The following GKAP1 variants were observed in gnomAD, a reference collection of about 807,000 sequenced individuals.
GKAP1 encodes G kinase anchoring protein 1.
Under a neutral mutation model 56.7 loss-of-function variants are expected in GKAP1, and 31 were observed. The ratio of observed to expected loss-of-function variants is 0.55; its 90% confidence interval spans 0.41 to 0.74. GKAP1 has a LOEUF of 0.74. Ranked by LOEUF, GKAP1 falls within the 30% of genes least tolerant of loss-of-function variation. The pLI is 0.00. For synonymous variants in GKAP1, 151 were observed against 138.6 expected, an observed-to-expected ratio of 1.09 and a Z score of -0.63; for missense variants, 364 against 402.3, an observed-to-expected ratio of 0.90 and a Z score of 0.82.
chr9:83,796,560 T>G (rs966141418), intron 4 of GKAP1, among the ~76,000 whole-genome samples: 2 of 152,210 alleles, frequency 1.3e-5, no homozygotes, highest in African/African-American at 4.8e-5. Flanking sequence ...CTCTGCCTCC[T>G]GGGCTCAAGA....
At chr9:83,779,524 C>G (rs1299165298) in intron 7 of GKAP1, among the ~76,000 whole-genome samples, 1 of 120,314 alleles carries the variant, frequency 8.3e-6, no homozygotes, top group Non-Finnish European at 1.7e-5. Flanking sequence ...TATATATACA[C>G]GTGTATATGT....
intron 11 of GKAP1, 60 bp downstream of exon 11, chr9:83,742,470 A>G (rs1363826439): frequency 9.2e-7 from 1 of 1,083,442 alleles, no homozygotes; most frequent in Non-Finnish European, 1.4e-6. Flanking sequence ...GTTAAGTTTA[A>G]TAATTCAAGA....
chr9:83,746,023 T>C (rs1943287538), intron 10 of GKAP1, among the ~76,000 whole-genome samples: 1 of 152,122 alleles, frequency 6.6e-6, no homozygotes, highest in Non-Finnish European at 1.5e-5. Context: ...ACTCCTAACC[T>C]CAAGTGATCC....
At chr9:83,802,828 CT>C (rs2131316537) in intron 3 of GKAP1, among the ~76,000 whole-genome samples, 1 of 150,234 alleles carries the variant, frequency 6.7e-6, no homozygotes, top group Non-Finnish European at 1.5e-5. Context: ...TCTGTCTTCT[CT>C]TTAAAAAAAA....
intron 8 of GKAP1, among the ~76,000 whole-genome samples, chr9:83,766,969 G>T (rs544093511): frequency 6.6e-6 from 1 of 152,296 alleles, no homozygotes; most frequent in African/African-American, 2.4e-5. Context: ...GTGTTCATGG[G>T]GACATTAGTG....
chr9:83,759,137 T>C (rs1409854968), intron 8 of GKAP1, among the ~76,000 whole-genome samples: 1 of 152,192 alleles, frequency 6.6e-6, no homozygotes, highest in East Asian at 1.9e-4. Flanking sequence ...TCCCCAATCA[T>C]ACCCCTTTTC....
Position 83,805,642 on chromosome 9 carries a change from G to A in GKAP1, c.216+660C>T, listed in dbSNP as rs184929864. 3.3e-5 allele frequency among the ~76,000 whole-genome samples: 5 copies of A among 151,730 alleles called. No homozygotes were observed. The East Asian group carries it at 7.7e-4, about 23-fold the overall frequency. ...CCCATTTTCATTTAAGTATTAGAAG[G>A]ATATATACATACATGTATATATTCA... On this transcript the variant is annotated intron_variant, in intron 3 of 12. Coordinates refer to ENST00000376371, the MANE Select transcript of GKAP1 (RefSeq NM_025211.4).
chr9:83,743,768 C>T (rs771290338), intron 10 of GKAP1, among the ~76,000 whole-genome samples: 40 of 152,048 alleles, frequency 2.6e-4, no homozygotes, highest in Non-Finnish European at 3.4e-4. Flanking sequence ...CATGTGTGGT[C>T]TCTTAGAACT....
At chr9:83,795,208 A>C (rs1187082323) in intron 4 of GKAP1, among the ~76,000 whole-genome samples, 1 of 152,002 alleles carries the variant, frequency 6.6e-6, no homozygotes, top group Non-Finnish European at 1.5e-5. Flanking sequence ...ACCAAGTCAA[A>C]GCCATGCCCT....
chr9:83,814,167 T>A (rs759998771), intron 2 of GKAP1, among the ~76,000 whole-genome samples: 1 of 152,220 alleles, frequency 6.6e-6, no homozygotes, highest in Non-Finnish European at 1.5e-5. Context: ...ATTTTACATA[T>A]ACTTCATACC....
chr9:83,769,928 G>A (rs1033337513), intron 7 of GKAP1, among the ~76,000 whole-genome samples: 3 of 152,092 alleles, frequency 2.0e-5, no homozygotes, highest in South Asian at 2.1e-4. Context: ...ATCTCATTGC[G>A]GTTTTCAGTC....
chr9:83,780,536 G>C (rs565198228), intron 6 of GKAP1, 132 bp from the exon 7 acceptor site: 1 of 499,690 alleles, frequency 2.0e-6, no homozygotes, highest in Non-Finnish European at 3.5e-6. Context: ...AGTCATTTAA[G>C]AGTTTTCTAG....
rs111574606 is a variant in GKAP1, at chr9:83,755,595, T to C, written c.739-2236A>G. ...CTTTGAATAAGAAGCCCTTCTGAAA[T>C]TGACATCAAAAAAAAGAGGAAAAAT... On this transcript the variant is annotated intron_variant, in intron 8 of 12. Coordinates refer to ENST00000376371, the MANE Select transcript of GKAP1 (RefSeq NM_025211.4). 6.6e-5 allele frequency among the ~76,000 whole-genome samples: 10 copies of C among 151,834 alleles called. 1 individual carries two copies. The highest frequency in any genetic ancestry group is 2.4e-4 in the African/African-American group (10 of 41,422).
At chr9:83,755,238 A>C (rs905873864) in intron 8 of GKAP1, among the ~76,000 whole-genome samples, 1 of 152,210 alleles carries the variant, frequency 6.6e-6, no homozygotes, top group African/African-American at 2.4e-5. Context: ...CATCAGTTTA[A>C]ATGCCAAACA....
chr9:83,765,050 T>A (rs1194662196), intron 8 of GKAP1, among the ~76,000 whole-genome samples: 1 of 152,132 alleles, frequency 6.6e-6, no homozygotes, highest in Non-Finnish European at 1.5e-5. Flanking sequence ...GCCCCTCCCA[T>A]CATAGGTCTG....
chr9:83,793,014 C>T (rs1182368546), intron 4 of GKAP1: 1 of 1,277,322 alleles, frequency 7.8e-7, no homozygotes, highest in Non-Finnish European at 1.0e-6. Flanking sequence ...CTCCTACTCC[C>T]CATCTAGTAG....
chr9:83,817,489 C>A (rs145098995), intron 1 of GKAP1, 28 bp downstream of exon 1: 15,330 of 151,250 alleles, frequency 0.1, 999 homozygotes, highest in Non-Finnish European at 0.14. Flanking sequence ...CGGACACCCG[C>A]GAGGCGGGCC....
chr9:83,815,557 T>A (rs867958567), intron 2 of GKAP1, among the ~76,000 whole-genome samples: 40 of 151,018 alleles, frequency 2.6e-4, no homozygotes, highest in African/African-American at 9.0e-4. Context: ...AAGACCACAA[T>A]TAGGGAACTT....
At chr9:83,757,068 G>C (rs1487736559) in intron 8 of GKAP1, among the ~76,000 whole-genome samples, 1 of 152,190 alleles carries the variant, frequency 6.6e-6, no homozygotes, top group Non-Finnish European at 1.5e-5. Context: ...GGGAAAATGT[G>C]CAGTGTGAAA....
Sources: allele counts gnomAD v4.1 joint callset (sites outside exome capture counted in the v4.1 genomes callset), GRCh38; gene constraint gnomAD v4.1.1; transcripts MANE v1.5; gene names NCBI Gene and HGNC (gene_info 2026-07-23, HGNC 2026-07-21).